The following SCN3A variants were observed in gnomAD, a reference collection of about 807,000 sequenced individuals.
SCN3A encodes the protein sodium voltage-gated channel alpha subunit 3, also known as sodium channel protein type 3 subunit alpha.
In SCN3A, 60 loss-of-function variants were observed where a neutral mutation model predicts 187.6. The ratio of observed to expected loss-of-function variants is 0.32; its 90% CI spans 0.26 to 0.40. The LOEUF (loss-of-function observed/expected upper bound fraction) is 0.40. SCN3A is among the 10% of genes least tolerant of loss of function. The pLI, the probability that SCN3A is intolerant of heterozygous loss-of-function variation, is 1.00. For synonymous variants in SCN3A, 788 were observed against 829.2 expected (o/e 0.95, Z 0.85); for missense variants, 1,601 against 2,428.2 (o/e 0.66, Z 7.16).
At chr2:165,168,619 A>C in intron 5 of SCN3A, 117 bp downstream of exon 5, 1 of 786,312 alleles carries the variant, frequency 1.3e-6, no homozygotes. Context: ...CTTTCATATT[A>C]TGAAAATAAC....
At chr2:165,118,493 TAA>T (rs944154601) in intron 18 of SCN3A, among the ~76,000 whole-genome samples, 2 of 152,216 alleles carry the variant, frequency 1.3e-5, no homozygotes, top group Non-Finnish European at 2.9e-5. Context: ...TGCATTTCAC[TAA>T]AAAGTGTTTT....
intron 9 of SCN3A, among the ~76,000 whole-genome samples, chr2:165,156,240 C>T (rs907839661): frequency 1.3e-5 from 2 of 152,094 alleles, no homozygotes; most frequent in African/African-American, 4.8e-5. Context: ...GGTGCAGTGG[C>T]TCACGCCTGT....
chr2:165,098,059 CA>C (rs1455069149), intron 22 of SCN3A, among the ~76,000 whole-genome samples: 1 of 152,092 alleles, frequency 6.6e-6, no homozygotes, highest in Non-Finnish European at 1.5e-5. Flanking sequence ...TAGTAAATCT[CA>C]ATAAAAAGGT....
At chr2:165,116,041 A>C (rs1686353409) in intron 18 of SCN3A, among the ~76,000 whole-genome samples, 1 of 152,176 alleles carries the variant, frequency 6.6e-6, no homozygotes. Context: ...GTTGTTTCTA[A>C]GTATTGTCCA....
At chr2:165,095,987 G>A (rs1390823568) in intron 24 of SCN3A, among the ~76,000 whole-genome samples, 1 of 152,060 alleles carries the variant, frequency 6.6e-6, no homozygotes, top group Non-Finnish European at 1.5e-5. Context: ...CTGAATTTTG[G>A]AAATACGGCT....
chr2:165,113,783 A>G (rs1230758333), intron 20 of SCN3A, 33 bp downstream of exon 20: 1 of 1,607,288 alleles, frequency 6.2e-7, no homozygotes, highest in Admixed American at 1.7e-5. Flanking sequence ...ATTTCACCAG[A>G]ATCTGATTCT....
At chr2:165,183,764 G>A (rs1204577607) in intron 2 of SCN3A, among the ~76,000 whole-genome samples, 1 of 152,020 alleles carries the variant, frequency 6.6e-6, no homozygotes, top group Non-Finnish European at 1.5e-5. Flanking sequence ...AGTCAAAATC[G>A]ATTAGTTCTG....
chr2:165,142,182 A>G (rs1688049577), intron 12 of SCN3A, among the ~76,000 whole-genome samples: 1 of 152,176 alleles, frequency 6.6e-6, no homozygotes, highest in Non-Finnish European at 1.5e-5. Flanking sequence ...ATACATATAC[A>G]TATGTCAGCA....
rs189080291 is a variant in SCN3A, at chr2:165,164,228, T to C, written c.602+164A>G. Reference sequence around the variant, plus strand: ...TTTATTGATCATTTACTGGATATATTTACATTGCAATATGTATTCTAATAT... The same window carrying C: ...TTTATTGATCATTTACTGGATATATCTACATTGCAATATGTATTCTAATAT... On this transcript the variant is annotated intron_variant, in intron 6 of 27. Coordinates refer to ENST00000283254, the MANE Select transcript of SCN3A (RefSeq NM_006922.4). 7.8e-4 allele frequency among the ~76,000 whole-genome samples: 119 copies of C among 152,268 alleles called. No homozygotes were observed. In the Middle Eastern group the frequency reaches 0.014, roughly 17 times the overall value.
intron 27 of SCN3A, 87 bp from the exon 28 acceptor site, chr2:165,091,432 A>C: frequency 6.7e-7 from 1 of 1,492,250 alleles, no homozygotes; most frequent in Non-Finnish European, 9.3e-7. Context: ...TGAACACAAC[A>C]AACTTGTTAT....
chr2:165,111,484 TACACACACACACACACACACACACAC>T (rs60417556), intron 21 of SCN3A, among the ~76,000 whole-genome samples: 3 of 142,524 alleles, frequency 2.1e-5, no homozygotes, highest in East Asian at 2.1e-4. Context: ...GCCAGTCTGA[TACACACACACACACACACACACACAC>T]ACACACACAC....
intron 11 of SCN3A, 101 bp downstream of exon 11, chr2:165,154,351 A>C (rs1485715016): frequency 3.1e-6 from 4 of 1,287,188 alleles, no homozygotes; most frequent in Non-Finnish European, 4.3e-6. Flanking sequence ...CCTATATATA[A>C]AATGAAAAAG....
intron 9 of SCN3A, among the ~76,000 whole-genome samples, chr2:165,159,200 C>T (rs976547901): frequency 7.3e-6 from 1 of 137,902 alleles, no homozygotes; most frequent in Non-Finnish European, 1.5e-5. Context: ...CAAATGATGT[C>T]GAGTGCCTTT....
intron 26 of SCN3A, chr2:165,093,977 C>T: frequency 9.9e-6 from 2 of 201,640 alleles, no homozygotes; most frequent in Non-Finnish European, 2.0e-5. Flanking sequence ...ACACCTTTTC[C>T]CTTTCTAAAC....
chr2:165,151,555 T>C (rs1688683512), intron 11 of SCN3A, among the ~76,000 whole-genome samples: 1 of 152,106 alleles, frequency 6.6e-6, no homozygotes, highest in Admixed American at 6.6e-5. Flanking sequence ...TATTGGAAAA[T>C]GGAAAAGCAA....
chr2:165,199,591 TA>T (rs531382915), intron 1 of SCN3A, among the ~76,000 whole-genome samples: 13,614 of 144,916 alleles, frequency 0.094, 992 homozygotes, highest in African/African-American at 0.21. Context: ...AAAAAAGTAA[TA>T]AAAAAAAAAA....
In SCN3A at chr2:165,164,535, C is replaced by G. The variant is rs769273254; in HGVS notation, c.474-15G>C. On this transcript the variant is annotated splice_polypyrimidine_tract_variant and intron_variant, in intron 5 of 27. Coordinates refer to ENST00000283254, the MANE Select transcript of SCN3A (RefSeq NM_006922.4). ...TGAATGTGTACCTAGGAAAAACATC[C>G]AAGCCAAAATTAACAATTTTGCTTG... 9.3e-6 allele frequency: 15 copies of G among 1,612,888 alleles called. No homozygotes were observed. Among genetic ancestry groups the G allele is most frequent in the Non-Finnish European group, 1.3e-5 (15 of 1,179,364 alleles).
At chr2:165,111,760 T>C (rs959323711) in intron 21 of SCN3A, among the ~76,000 whole-genome samples, 22 of 152,216 alleles carry the variant, frequency 1.4e-4, no homozygotes, top group African/African-American at 5.1e-4. Flanking sequence ...GTGAAAATAC[T>C]AAGTTTCCAT....
At chr2:165,185,488 G>C (rs754621035) in intron 2 of SCN3A, among the ~76,000 whole-genome samples, 11 of 152,180 alleles carry the variant, frequency 7.2e-5, no homozygotes, top group Non-Finnish European at 1.6e-4. Flanking sequence ...AGAGAAGATA[G>C]CATTCTCTGT....
Sources: gnomAD v4.1 joint callset for allele counts (sites outside exome capture counted in the v4.1 genomes callset) on GRCh38, gnomAD v4.1.1 for gene constraint, MANE v1.5 for transcripts, NCBI Gene and HGNC (gene_info 2026-07-23, HGNC 2026-07-21) for gene names.